The following LGSN variants were observed in gnomAD, a reference collection of about 807,000 sequenced individuals.
LGSN encodes lengsin, lens protein with glutamine synthetase domain.
A neutral mutation model predicts 19.5 loss-of-function variants in LGSN; 21 were observed. The ratio of observed to expected loss-of-function variants is 1.07; its 90% CI spans 0.76 to 1.55. The LOEUF is 1.55. Ranked by LOEUF, LGSN falls within the 40% of genes most tolerant of loss-of-function variation. The pLI, the probability that LGSN is intolerant of heterozygous loss-of-function variation, is 0.00. For synonymous variants in LGSN, 257 were observed against 215.6 expected (o/e 1.19, Z -1.68); for missense variants, 673 against 608.5 (o/e 1.11, Z -1.12).
chr6:63,363,152 A>G, the LGSN span, among the ~76,000 whole-genome samples: 1 of 151,088 alleles, frequency 6.6e-6, no homozygotes, highest in Non-Finnish European at 1.5e-5. Context: ...TAGAAGGAAA[A>G]CTAACAAACA....
At chr6:63,522,248 CTGT>C in the LGSN span, among the ~76,000 whole-genome samples, 4 of 152,158 alleles carry the variant, frequency 2.6e-5, no homozygotes, top group Non-Finnish European at 5.9e-5. Context: ...CAAATTTTAA[CTGT>C]TGTTTCTGTT....
the LGSN span, among the ~76,000 whole-genome samples, chr6:63,518,958 C>A: frequency 6.6e-6 from 1 of 152,118 alleles, no homozygotes; most frequent in Non-Finnish European, 1.5e-5. Flanking sequence ...CTGGGTAGCA[C>A]CCTCTTAACC....
At chr6:63,406,451 C>T in the LGSN span, among the ~76,000 whole-genome samples, 44 of 151,510 alleles carry the variant, frequency 2.9e-4, no homozygotes, top group African/African-American at 9.5e-4. Context: ...GAAATGAAGG[C>T]AGAAATAAAG....
chr6:63,418,904 T>C, the LGSN span, among the ~76,000 whole-genome samples: 1 of 151,810 alleles, frequency 6.6e-6, no homozygotes, highest in African/African-American at 2.4e-5. Flanking sequence ...CAAAGAAAAC[T>C]AGACTTCCCT....
rs566949733 is a variant in LGSN, at chr6:63,316,434, A to C, written c.30+3480T>G. ...TCTACAATAGAAGTTCTACACAAGA[A>C]AAATATACCTAACCAAACATTTTCA... On this transcript the variant is annotated intron_variant, in intron 1 of 3. Coordinates refer to ENST00000370657, the MANE Select transcript of LGSN (RefSeq NM_016571.3). Among the ~76,000 whole-genome samples, 4 of 152,316 alleles carry C rather than the reference A, an allele frequency of 2.6e-5. No individual in the cohort carries two copies. In the South Asian group the frequency reaches 8.3e-4, roughly 32 times the overall value.
the LGSN span, among the ~76,000 whole-genome samples, chr6:63,465,850 A>T: frequency 6.6e-6 from 1 of 152,188 alleles, no homozygotes; most frequent in Admixed American, 6.6e-5. Context: ...ATTCTGTTCC[A>T]CCCAGAAGAA....
chr6:63,547,401 G>A, the LGSN span, among the ~76,000 whole-genome samples: 909 of 151,406 alleles, frequency 6.0e-3, 5 homozygotes, highest in Non-Finnish European at 9.1e-3. Flanking sequence ...TGTTGGCCAG[G>A]CTGGTCTTGA....
the LGSN span, among the ~76,000 whole-genome samples, chr6:63,351,533 AC>A: frequency 6.6e-6 from 1 of 152,088 alleles, no homozygotes; most frequent in Non-Finnish European, 1.5e-5. Flanking sequence ...ATTTCAGCTC[AC>A]TGCAACCTCT....
upstream of LGSN, among the ~76,000 whole-genome samples, chr6:63,320,858 C>T (rs1769056501): frequency 6.6e-6 from 1 of 152,192 alleles, no homozygotes; most frequent in African/African-American, 2.4e-5. Flanking sequence ...TACTTACAAC[C>T]ACTCAATCCT....
the LGSN span, among the ~76,000 whole-genome samples, chr6:63,527,235 T>G: frequency 6.6e-6 from 1 of 152,202 alleles, no homozygotes; most frequent in East Asian, 1.9e-4. Flanking sequence ...TATGTGCACA[T>G]TTTAAACAGA....
At chr6:63,398,885 C>G in the LGSN span, among the ~76,000 whole-genome samples, 1 of 151,968 alleles carries the variant, frequency 6.6e-6, no homozygotes, top group African/African-American at 2.4e-5. Context: ...GTCACTGCAG[C>G]CTTGAACCTT....
the LGSN span, chr6:63,572,581 G>A: frequency 3.1e-5 from 13 of 414,630 alleles, no homozygotes; most frequent in Non-Finnish European, 5.0e-5. Context: ...CCCCGCCGCC[G>A]CCTGCATCGC....
chr6:63,498,753 G>A, the LGSN span, among the ~76,000 whole-genome samples: 1 of 152,048 alleles, frequency 6.6e-6, no homozygotes, highest in African/African-American at 2.4e-5. Context: ...CATGTGGGTA[G>A]GGAATGAAAG....
the LGSN span, among the ~76,000 whole-genome samples, chr6:63,459,556 C>T: frequency 5.6e-3 from 846 of 152,148 alleles, 5 homozygotes; most frequent in South Asian, 0.024. Context: ...TACCCACCCC[C>T]GCCGCCCCCA....
At chr6:63,551,379 T>G in the LGSN span, among the ~76,000 whole-genome samples, 5 of 152,166 alleles carry the variant, frequency 3.3e-5, no homozygotes, top group African/African-American at 4.8e-5. Context: ...GTGGGTAATT[T>G]GGGCAACAAC....
chr6:63,324,698 A>G (rs188865491), upstream of LGSN, among the ~76,000 whole-genome samples: 1 of 151,808 alleles, frequency 6.6e-6, no homozygotes, highest in Non-Finnish European at 1.5e-5. Context: ...AGAAGAAAAT[A>G]AAAAAAAATT....
chr6:63,547,631 G>A, the LGSN span, among the ~76,000 whole-genome samples: 11 of 148,996 alleles, frequency 7.4e-5, no homozygotes, highest in East Asian at 1.0e-3. Flanking sequence ...TCAGCCTCCC[G>A]AGTAGCTGGG....
At chr6:63,537,064 A>C in the LGSN span, among the ~76,000 whole-genome samples, 2 of 152,120 alleles carry the variant, frequency 1.3e-5, no homozygotes, top group African/African-American at 2.4e-5. Context: ...TTAAATTAAA[A>C]TTAAATTAAA....
chr6:63,288,329 T>C (rs1024719444), intron 2 of LGSN, among the ~76,000 whole-genome samples: 2 of 151,746 alleles, frequency 1.3e-5, no homozygotes, highest in Non-Finnish European at 2.9e-5. Flanking sequence ...CTATTCATAC[T>C]GAACGTGTAC....
Sources: gnomAD v4.1 joint callset for allele counts (sites outside exome capture counted in the v4.1 genomes callset) on GRCh38, gnomAD v4.1.1 for gene constraint, MANE v1.5 for transcripts, NCBI Gene and HGNC (gene_info 2026-07-23, HGNC 2026-07-21) for gene names.